The following PPP1R12B variants were observed in gnomAD, a reference collection of about 807,000 sequenced individuals.
PPP1R12B encodes protein phosphatase 1 regulatory subunit 12B.
A neutral mutation model predicts 126.1 loss-of-function variants in PPP1R12B; 76 were observed. The ratio of observed to expected loss-of-function variants is 0.60; its 90% CI spans 0.50 to 0.73. The LOEUF (loss-of-function observed/expected upper bound fraction) is 0.73, where lower values mean the gene tolerates loss of function less well. Among genes scored for constraint, PPP1R12B ranks in the 30% least tolerant of loss-of-function variants. The probability of loss-of-function intolerance (pLI) is 0.00; values close to 1 mark genes in which losing one functional copy is unlikely to be tolerated. For missense variants in PPP1R12B, 1,052 were observed against 1,205.1 expected (o/e 0.87, Z 1.88); for synonymous variants, 356 against 434.7 (o/e 0.82, Z 2.25).
intron 20 of PPP1R12B, 24 bp downstream of exon 20, chr1:202,562,946 G>A (rs372943456): frequency 1.4e-4 from 209 of 1,534,030 alleles, no homozygotes; most frequent in Non-Finnish European, 1.5e-4. Context: ...TCAATTTTCC[G>A]GTTCTTTGGT....
intron 18 of PPP1R12B, among the ~76,000 whole-genome samples, chr1:202,534,758 A>G (rs17841806): frequency 0.023 from 3,455 of 152,198 alleles, 136 homozygotes; most frequent in African/African-American, 0.078. Flanking sequence ...TCTAAGAAAT[A>G]AGGAAAGCTG....
chr1:202,575,851 G>A (rs1032078669), intron 23 of PPP1R12B: 3 of 152,146 alleles, frequency 2.0e-5, no homozygotes, highest in African/African-American at 7.2e-5. Flanking sequence ...CAGTCCTCAC[G>A]GCTGACAACA....
intron 18 of PPP1R12B, among the ~76,000 whole-genome samples, chr1:202,536,267 C>G (rs1422972717): frequency 1.9e-4 from 29 of 152,142 alleles, no homozygotes; most frequent in Non-Finnish European, 3.5e-4. Flanking sequence ...GATGGTACAG[C>G]CTACTACACA....
At chr1:202,366,806 C>T (rs1159406845) in intron 1 of PPP1R12B, among the ~76,000 whole-genome samples, 3 of 151,974 alleles carry the variant, frequency 2.0e-5, no homozygotes, top group Non-Finnish European at 2.9e-5. Flanking sequence ...GGGTGCAAAA[C>T]GTAGAACCTC....
intron 13 of PPP1R12B, among the ~76,000 whole-genome samples, chr1:202,467,220 C>T (rs75566920): frequency 4.3e-5 from 6 of 140,766 alleles, no homozygotes; most frequent in Non-Finnish European, 7.8e-5. Flanking sequence ...ATGTCTCTCT[C>T]TTTTTTTTTT....
Position 202,440,755 on chromosome 1 carries a change from A to G in PPP1R12B, c.1508A>G (p.Asn503Ser). The G allele has an allele frequency of 6.2e-7, 1 of 1,614,084 alleles. No individual in the cohort carries two copies. Among genetic ancestry groups the G allele is most frequent in the South Asian group, 1.1e-5 (1 of 91,074 alleles). ...YISSLAPRKL[N>S]STSDIEEKEN... ...AGTTCACTAGCACCCCGGAAGCTCA[A>G]CAGCACAAGTGATATTGAAGAAAAG... The change falls in exon 11 of 24, where the codon AAC (asparagine) becomes AGC (serine). Residue 503 changes from asparagine to serine, a missense_variant. Coordinates refer to ENST00000608999, the MANE Select transcript of PPP1R12B (RefSeq NM_002481.4).
rs372869169 is a variant in PPP1R12B, at chr1:202,483,741, A to T, written c.1851-4792A>T. On this transcript the variant is annotated intron_variant, in intron 13 of 23. Transcript: ENST00000608999. Reference sequence around the variant, plus strand: ...TTAACACCTACTGTTATAGTATTGCAGTCTATCTCTCCCTTTACCTCTAAT... The same window carrying T: ...TTAACACCTACTGTTATAGTATTGCTGTCTATCTCTCCCTTTACCTCTAAT... 2.4e-4 allele frequency among the ~76,000 whole-genome samples: 37 copies of T among 152,354 alleles called. 1 individual carries two copies. In the East Asian group the frequency reaches 6.9e-3, roughly 29 times the overall value.
chr1:202,396,330 C>T (rs535701767), intron 1 of PPP1R12B, among the ~76,000 whole-genome samples: 11 of 152,204 alleles, frequency 7.2e-5, no homozygotes, highest in African/African-American at 2.4e-4. Context: ...GTTACTTAAT[C>T]TTCTAAAAAT....
At position 202,437,926 on chromosome 1, in the gene PPP1R12B, G is replaced by A; in HGVS notation, c.1360G>A (p.Val454Met). 1.2e-6 allele frequency: 2 copies of A among 1,614,120 alleles called. No individual in the cohort carries two copies. ...KTGSHNMLSE[V>M]ANSREPIRDR... is the part of the protein sequence containing the mutation. ...TGGCAGCCACAACATGCTGAGTGAG[G>A]TGGCCAATTCCAGGGAACCTATAAG... The change falls in exon 10 of 24, where the codon GTG (valine) becomes ATG (methionine). Residue 454 changes from valine to methionine, a missense_variant. Coordinates refer to ENST00000608999, the MANE Select transcript of PPP1R12B (RefSeq NM_002481.4).
intron 1 of PPP1R12B, among the ~76,000 whole-genome samples, chr1:202,395,814 T>G (rs1420732481): frequency 1.3e-5 from 2 of 152,264 alleles, no homozygotes; most frequent in East Asian, 3.8e-4. Context: ...TTTGAACTTA[T>G]CTGGCAACGT....
In PPP1R12B at chr1:202,511,014, AATTT is replaced by A. The variant is rs1055749582; in HGVS notation, c.2490+14196_2490+14199del. ...AAATTTATACAATAATTTAAAATAT[AATTT>A]ATTAATATAAATATAACAATTATAT... On this transcript the variant is annotated intron_variant, in intron 18 of 23. Coordinates refer to ENST00000608999, the MANE Select transcript of PPP1R12B (RefSeq NM_002481.4). Among the ~76,000 whole-genome samples, 4 of 146,794 alleles carry A rather than the reference AATTT, an allele frequency of 2.7e-5. 1 individual carries two copies. Among genetic ancestry groups the A allele is most frequent in the African/African-American group, 9.9e-5 (4 of 40,538 alleles).
rs1170722284 is a variant in PPP1R12B, at chr1:202,424,328, T to C, written c.542-1238T>C. Among the ~76,000 whole-genome samples, 12 of 146,890 alleles carry C rather than the reference T, an allele frequency of 8.2e-5. No homozygotes were observed. The East Asian group carries it at 1.4e-3, about 17-fold the overall frequency. On this transcript the variant is annotated intron_variant, in intron 3 of 23. Coordinates refer to ENST00000608999, the MANE Select transcript of PPP1R12B (RefSeq NM_002481.4). ...CTTAGGTAGTTGACAGGTTCTCTCTTTTTTTTTTTTTTTGAGACAGAGTCT... is the reference window on the plus strand; with the variant it reads ...CTTAGGTAGTTGACAGGTTCTCTCTCTTTTTTTTTTTTTGAGACAGAGTCT...
intron 2 of PPP1R12B, 34 bp downstream of exon 2, chr1:202,416,951 A>T (rs375902892): frequency 1.3e-6 from 2 of 1,584,888 alleles, no homozygotes; most frequent in Non-Finnish European, 1.7e-6. Context: ...GCTTTGTAGT[A>T]TTTGTAGGAA....
At position 202,588,704 on chromosome 1, in the gene PPP1R12B, C is replaced by G. The variant is rs1226536184; in HGVS notation, c.*8144C>G. 1 of 152,084 alleles carries G rather than the reference C, an allele frequency of 6.6e-6. No individual in the cohort carries two copies. Among genetic ancestry groups the G allele is most frequent in the East Asian group, 1.9e-4 (1 of 5,190 alleles). The allele number at this position is 152,084 out of a possible 1,614,324, so 9.4% of individuals were successfully genotyped here. A position where few individuals can be genotyped will look rare whatever the true frequency, so the allele number is the denominator to read the frequency against. ...ACAACTCCTGTCCACATAGAGGCCC[C>G]TTCCCCAGGGACAGCCACAGTGAGT... is the stretch of plus-strand genomic sequence containing the variant. On this transcript the variant is annotated 3_prime_UTR_variant, in exon 24 of 24. Transcript: ENST00000608999.
At chr1:202,577,676 T>C (rs1167031488) in intron 23 of PPP1R12B, among the ~76,000 whole-genome samples, 1 of 152,140 alleles carries the variant, frequency 6.6e-6, no homozygotes, top group African/African-American at 2.4e-5. Flanking sequence ...ACTTTCCTTG[T>C]AGTTAAAAGC....
chr1:202,570,805 G>A (rs185455824), intron 23 of PPP1R12B, among the ~76,000 whole-genome samples: 13 of 152,216 alleles, frequency 8.5e-5, no homozygotes, highest in African/African-American at 3.1e-4. Context: ...CTACAGGCAC[G>A]TGCCGCCACA....
At chr1:202,567,486 G>GGAGAGA (rs149322103) in intron 21 of PPP1R12B, 2 of 352,904 alleles carry the variant, frequency 5.7e-6, no homozygotes, top group Non-Finnish European at 1.0e-5. Context: ...GAAGACCTGT[G>GGAGAGA]GAGAGAGAGA....
chr1:202,460,016 T>A lies in PPP1R12B; in HGVS notation c.1850+10845T>A, dbSNP rs188345228. Reference sequence around the variant, plus strand: ...AGCAGCTGTCACAATAGGGTAGTGGTTGGGTTCATTTTCCAAAGCTCCAAG... The same window carrying A: ...AGCAGCTGTCACAATAGGGTAGTGGATGGGTTCATTTTCCAAAGCTCCAAG... On this transcript the variant is annotated intron_variant, in intron 13 of 23. Transcript: ENST00000608999. Among the ~76,000 whole-genome samples the A allele has an allele frequency of 8.5e-5, 13 of 152,068 alleles. No individual in the cohort carries two copies. In the East Asian group the frequency reaches 1.4e-3, roughly 16 times the overall value.
chr1:202,353,629 T>TGTGTGAGA lies in PPP1R12B; in HGVS notation c.291+4488_291+4489insTGTGAGAG, dbSNP rs540599307. The stretch of plus-strand genomic sequence containing the variant: ...GTGTGTGTGTGTGTGTGTGTGTGTG[T>TGTGTGAGA]GACAGGGTCTTGCCCTGTTACCCAG... On this transcript the variant is annotated intron_variant, in intron 1 of 23. Coordinates refer to ENST00000608999, the MANE Select transcript of PPP1R12B (RefSeq NM_002481.4). Among the ~76,000 whole-genome samples, 947 of 138,216 alleles carry TGTGTGAGA rather than the reference T, an allele frequency of 6.9e-3. 82 individuals are homozygous for TGTGTGAGA. The East Asian group carries it at 0.17, about 24-fold the overall frequency. 90.7% of individuals were successfully genotyped at this position (138,216 alleles called of 152,430 possible).
Sources: allele counts gnomAD v4.1 joint callset (sites outside exome capture counted in the v4.1 genomes callset), GRCh38; gene constraint gnomAD v4.1.1; transcripts MANE v1.5; gene names NCBI Gene and HGNC (gene_info 2026-07-23, HGNC 2026-07-21).